THSD7A: variants seen among roughly 807,000 people sequenced by gnomAD.
THSD7A encodes thrombospondin type 1 domain containing 7A, also known as thrombospondin type-1 domain-containing protein 7A.
THSD7A carries 96 observed loss-of-function variants against 231.3 expected under a neutral mutation model. The ratio of observed to expected loss-of-function variants is 0.41; its 90% CI spans 0.35 to 0.49. The LOEUF is 0.49. Ranked by LOEUF, THSD7A falls within the 20% of genes least tolerant of loss-of-function variation. The pLI is 0.05. For synonymous variants in THSD7A, 940 were observed against 743.3 expected (o/e 1.26, Z -4.30); for missense variants, 2,290 against 2,070.2 (o/e 1.11, Z -2.06).
At chr7:11,718,399 A>G (rs1044630079) in intron 1 of THSD7A, among the ~76,000 whole-genome samples, 12 of 151,664 alleles carry the variant, frequency 7.9e-5, no homozygotes, top group African/African-American at 2.4e-4. Flanking sequence ...AATGTGACAC[A>G]TATTATCAGA....
intron 1 of THSD7A, among the ~76,000 whole-genome samples, chr7:11,649,324 T>C (rs1221807923): frequency 1.3e-5 from 2 of 152,052 alleles, no homozygotes; most frequent in Non-Finnish European, 2.9e-5. Flanking sequence ...AAACTCATGA[T>C]AGACCCTGAG....
At chr7:11,585,461 G>A (rs1010418476) in intron 4 of THSD7A, among the ~76,000 whole-genome samples, 4 of 152,092 alleles carry the variant, frequency 2.6e-5, no homozygotes, top group Non-Finnish European at 4.4e-5. Flanking sequence ...ACTAATGATC[G>A]TTAAAAGAGA....
At chr7:11,435,129 GT>G (rs2128291617) in intron 13 of THSD7A, among the ~76,000 whole-genome samples, 1 of 152,066 alleles carries the variant, frequency 6.6e-6, no homozygotes, top group East Asian at 1.9e-4. Flanking sequence ...TTTTGTTATT[GT>G]TATTTTAATA....
At chr7:11,760,807 T>A (rs1193841500) in intron 1 of THSD7A, among the ~76,000 whole-genome samples, 1 of 151,858 alleles carries the variant, frequency 6.6e-6, no homozygotes, top group Admixed American at 6.6e-5. Context: ...TTAAATTTGT[T>A]ATGATAGAAA....
chr7:11,809,435 CA>C, intron 1 of THSD7A, among the ~76,000 whole-genome samples: 1 of 152,230 alleles, frequency 6.6e-6, no homozygotes, highest in South Asian at 2.1e-4. Context: ...TCAGGCACTT[CA>C]AAGATGATAT....
chr7:11,663,535 C>A (rs1259741059), intron 1 of THSD7A, among the ~76,000 whole-genome samples: 1 of 151,488 alleles, frequency 6.6e-6, no homozygotes, highest in Non-Finnish European at 1.5e-5. Flanking sequence ...TCTTTATGAG[C>A]TTATGTTGTA....
intron 1 of THSD7A, among the ~76,000 whole-genome samples, chr7:11,722,389 C>T (rs954422195): frequency 6.6e-5 from 10 of 151,766 alleles, no homozygotes; most frequent in Admixed American, 4.6e-4. Context: ...TCCAATTGCT[C>T]CTATGGATAA....
At chr7:11,788,688 C>G (rs77665853) in intron 1 of THSD7A, among the ~76,000 whole-genome samples, 2 of 151,972 alleles carry the variant, frequency 1.3e-5, no homozygotes, top group Non-Finnish European at 2.9e-5. Context: ...CTCACAGGCT[C>G]TGGATCAGAC....
intron 16 of THSD7A, among the ~76,000 whole-genome samples, chr7:11,424,156 G>C (rs1784241654): frequency 6.6e-6 from 1 of 150,716 alleles, no homozygotes; most frequent in African/African-American, 2.5e-5. Context: ...AGTGTGACTG[G>C]GGAGATGCAT....
intron 2 of THSD7A, among the ~76,000 whole-genome samples, chr7:11,617,062 T>C (rs1333852719): frequency 6.6e-6 from 1 of 152,216 alleles, no homozygotes; most frequent in Non-Finnish European, 1.5e-5. Flanking sequence ...AGCTGTAAGT[T>C]GTATACACAA....
In THSD7A at chr7:11,585,564, A is replaced by G. The variant is rs1217075393; in HGVS notation, c.1453+4896T>C. The stretch of plus-strand genomic sequence containing the variant: ...CAAAAACATCACTAAACTTCTAAAT[A>G]AAGACCAAAACACTTTTAATATTAA... On this transcript the variant is annotated intron_variant, in intron 4 of 27. Coordinates refer to ENST00000423059, the MANE Select transcript of THSD7A (RefSeq NM_015204.3). Among the ~76,000 whole-genome samples, 3 of 152,216 alleles carry G rather than the reference A, an allele frequency of 2.0e-5. No individual in the cohort carries two copies. The East Asian group carries it at 5.8e-4, about 29-fold the overall frequency.
At chr7:11,425,527 G>T (rs1784289297) in intron 15 of THSD7A, among the ~76,000 whole-genome samples, 1 of 152,002 alleles carries the variant, frequency 6.6e-6, no homozygotes, top group African/African-American at 2.4e-5. Context: ...AAGCCTTTCA[G>T]TCCCACATTT....
chr7:11,380,150 T>C (rs1166807684), intron 24 of THSD7A, among the ~76,000 whole-genome samples: 2 of 152,214 alleles, frequency 1.3e-5, no homozygotes, highest in African/African-American at 2.4e-5. Flanking sequence ...TAAATAAATG[T>C]TTTCTTTAAA....
At chr7:11,701,381 T>A (rs1040704291) in intron 1 of THSD7A, among the ~76,000 whole-genome samples, 1 of 151,338 alleles carries the variant, frequency 6.6e-6, no homozygotes, top group African/African-American at 2.4e-5. Context: ...TTTGTAAATA[T>A]GATTTTCCTT....
chr7:11,448,054 C>T (rs1336499838), intron 11 of THSD7A, among the ~76,000 whole-genome samples: 2 of 152,060 alleles, frequency 1.3e-5, no homozygotes, highest in African/African-American at 4.8e-5. Flanking sequence ...TGTCAAAGTC[C>T]TCCATCTCCT....
chr7:11,819,277 T>A (rs1023557754), intron 1 of THSD7A, among the ~76,000 whole-genome samples: 2 of 152,198 alleles, frequency 1.3e-5, no homozygotes, highest in Admixed American at 6.5e-5. Context: ...TGGCAGTTTC[T>A]TATAAAGCTA....
intron 1 of THSD7A, among the ~76,000 whole-genome samples, chr7:11,800,116 G>A (rs938527589): frequency 1.4e-4 from 22 of 152,100 alleles, no homozygotes; most frequent in Non-Finnish European, 2.4e-4. Flanking sequence ...GAGAGGAGTC[G>A]AGCACTTGAG....
In THSD7A at chr7:11,593,234, A is replaced by C. The variant is rs775531204; in HGVS notation, c.1271+20T>G. On this transcript the variant is annotated intron_variant, in intron 3 of 27. Transcript: ENST00000423059. ...CAAATGTAGTTTCGGCAGACGCTAT[A>C]CCCTTCTTTATTTACTCACGTGGCA... 2 of 1,612,752 alleles carry C rather than the reference A, an allele frequency of 1.2e-6. No homozygotes were observed. The highest frequency in any genetic ancestry group is 1.7e-6 in the Non-Finnish European group (2 of 1,179,732).
At chr7:11,498,655 T>TCATCCTATTC (rs1457880237) in intron 6 of THSD7A, among the ~76,000 whole-genome samples, 1 of 152,066 alleles carries the variant, frequency 6.6e-6, no homozygotes, top group Non-Finnish European at 1.5e-5. Flanking sequence ...AAGCAGGTCC[T>TCATCCTATTC]CATCCTATTC....
Sources: allele counts gnomAD v4.1 joint callset (sites outside exome capture counted in the v4.1 genomes callset), GRCh38; gene constraint gnomAD v4.1.1; transcripts MANE v1.5; gene names NCBI Gene and HGNC (gene_info 2026-07-23, HGNC 2026-07-21).